Variants in HCN1 observed in about 807,000 individuals in gnomAD.
HCN1 encodes the protein hyperpolarization activated cyclic nucleotide gated potassium channel 1, also known as potassium/sodium hyperpolarization-activated cyclic nucleotide-gated channel 1.
HCN1 carries 13 observed loss-of-function variants against 78.9 expected under a neutral mutation model. The ratio of observed to expected loss-of-function variants is 0.16; its 90% CI spans 0.11 to 0.26. The LOEUF is 0.26. Ranked by LOEUF, HCN1 falls within the 10% of genes least tolerant of loss-of-function variation. The pLI is 1.00. For synonymous variants in HCN1, 552 were observed against 455.5 expected, an observed-to-expected ratio of 1.21 and a Z score of -2.70; for missense variants, 810 against 1,154.3, an observed-to-expected ratio of 0.70 and a Z score of 4.32.
chr5:45,467,579 T>C (rs975158097), intron 2 of HCN1, among the ~76,000 whole-genome samples: 1 of 152,098 alleles, frequency 6.6e-6, no homozygotes, highest in Admixed American at 6.6e-5. Flanking sequence ...GCAAACTGTG[T>C]AGCTTGTACT....
chr5:45,579,363 C>T lies in HCN1; in HGVS notation c.849+65822G>A, dbSNP rs1449779818. ...TCAAGTTCCAGATTGTAAACTGCCT[C>T]ATAAATTGAACCTCACCAACACAGC... On this transcript the variant is annotated intron_variant, in intron 2 of 7. Transcript: ENST00000303230. Among the ~76,000 whole-genome samples the T allele has an allele frequency of 8.5e-5, 13 of 152,092 alleles. No homozygotes were observed. The East Asian group carries it at 2.3e-3, about 27-fold the overall frequency.
chr5:45,550,586 G>C (rs1743345968), intron 2 of HCN1, among the ~76,000 whole-genome samples: 1 of 152,096 alleles, frequency 6.6e-6, no homozygotes, highest in African/African-American at 2.4e-5. Flanking sequence ...CATGGCACAT[G>C]TATACATATG....
intron 1 of HCN1, among the ~76,000 whole-genome samples, chr5:45,646,184 T>G (rs1745547607): frequency 6.6e-6 from 1 of 152,120 alleles, no homozygotes; most frequent in South Asian, 2.1e-4. Flanking sequence ...ATTTTATGCT[T>G]TATTTTTCTT....
intron 3 of HCN1, among the ~76,000 whole-genome samples, chr5:45,435,793 A>C (rs546057651): frequency 4.6e-5 from 7 of 152,158 alleles, no homozygotes; most frequent in Non-Finnish European, 8.8e-5. Flanking sequence ...AAATATACCA[A>C]AAAAAGATAC....
chr5:45,360,708 TAAGTCATATAATCATAAAAATAACATGAA>T (rs1192806437), intron 4 of HCN1, among the ~76,000 whole-genome samples: 3 of 152,114 alleles, frequency 2.0e-5, no homozygotes, highest in Non-Finnish European at 4.4e-5. Flanking sequence ...CTTTACATAG[TAAGTCATATAATCATAAAAATAACATGAA>T]ATCTTCCTGA....
chr5:45,433,133 G>C (rs1291017858), intron 3 of HCN1, among the ~76,000 whole-genome samples: 4 of 152,084 alleles, frequency 2.6e-5, no homozygotes, highest in Non-Finnish European at 5.9e-5. Context: ...TGAAATTTGA[G>C]TGGGGATATA....
chr5:45,546,453 A>C (rs1180105481), intron 2 of HCN1, among the ~76,000 whole-genome samples: 1 of 151,922 alleles, frequency 6.6e-6, no homozygotes, highest in African/African-American at 2.4e-5. Context: ...ACCATTTAGA[A>C]ATTCTACAAT....
intron 2 of HCN1, among the ~76,000 whole-genome samples, chr5:45,545,553 T>A (rs1011301296): frequency 6.6e-6 from 1 of 152,016 alleles, no homozygotes; most frequent in Admixed American, 6.6e-5. Context: ...ATTGCCTAGG[T>A]TTTCTTCTAG....
At chr5:45,652,782 C>T (rs1332991736) in intron 1 of HCN1, among the ~76,000 whole-genome samples, 1 of 151,798 alleles carries the variant, frequency 6.6e-6, no homozygotes, top group East Asian at 1.9e-4. Flanking sequence ...TTCATCCATC[C>T]ACTATGCATA....
chr5:45,310,030 C>A (rs1273888650), intron 5 of HCN1, among the ~76,000 whole-genome samples: 2 of 151,826 alleles, frequency 1.3e-5, no homozygotes, highest in Middle Eastern at 3.4e-3. Context: ...TTTATTACTG[C>A]CTCAAGACTA....
rs1010049547 is a variant in HCN1 at position 45,523,962 on chromosome 5, T to C, written c.850-61955A>G. On this transcript the variant is annotated intron_variant, in intron 2 of 7. Transcript: ENST00000303230. ...TGCCTATGTCCTGAATGGTATTGCC[T>C]AGGTTTTCTTCTAGGGTTTTTATGG... Among the ~76,000 whole-genome samples, 96 of 152,302 alleles carry C rather than the reference T, an allele frequency of 6.3e-4. 1 individual carries two copies. The highest frequency in any genetic ancestry group is 4.1e-4 in the African/African-American group (17 of 41,562).
chr5:45,632,114 T>C (rs1439878752), intron 2 of HCN1, among the ~76,000 whole-genome samples: 3 of 152,056 alleles, frequency 2.0e-5, no homozygotes, highest in Non-Finnish European at 2.9e-5. Context: ...AAATGAATGA[T>C]ATAGCAATTA....
At position 45,261,817 on chromosome 5, in the gene HCN1, T is replaced by G; in HGVS notation, c.*104A>C. On this transcript the variant is annotated 3_prime_UTR_variant, in exon 8 of 8. Coordinates refer to ENST00000303230, the MANE Select transcript of HCN1 (RefSeq NM_021072.4). ...GGCCACAGCTGTCTAAAATATCTCT[T>G]CATAGTAGGCTAGAGGGATCTATCA... The G allele has an allele frequency of 7.0e-7, 1 of 1,428,440 alleles. No individual in the cohort carries two copies. Among genetic ancestry groups the G allele is most frequent in the Non-Finnish European group, 9.8e-7 (1 of 1,020,022 alleles). The allele number at this position is 1,428,440 out of a possible 1,614,324, so 88.5% of individuals were successfully genotyped here.
chr5:45,319,630 TGG>T (rs1252098154), intron 5 of HCN1, among the ~76,000 whole-genome samples: 1 of 151,784 alleles, frequency 6.6e-6, no homozygotes, highest in African/African-American at 2.4e-5. Context: ...TCGCCATCTG[TGG>T]CTTGCCTTTT....
At chr5:45,627,553 T>C (rs955278177) in intron 2 of HCN1, among the ~76,000 whole-genome samples, 1 of 152,200 alleles carries the variant, frequency 6.6e-6, no homozygotes, top group African/African-American at 2.4e-5. Flanking sequence ...ACATTTCTGC[T>C]GTAACACAAC....
intron 6 of HCN1, among the ~76,000 whole-genome samples, chr5:45,300,742 C>G (rs1745596997): frequency 6.6e-6 from 1 of 152,072 alleles, no homozygotes. Flanking sequence ...TGTATACTTT[C>G]ATTTCTTATC....
chr5:45,682,272 C>CAT (rs548796805), intron 1 of HCN1, among the ~76,000 whole-genome samples: 2,093 of 109,740 alleles, frequency 0.019, 33 homozygotes, highest in African/African-American at 0.061. Flanking sequence ...TATATATATA[C>CAT]ATATATATAT....
Position 45,262,223 on chromosome 5 carries a change from G to A in HCN1, c.2371C>T (p.Pro791Ser), listed in dbSNP as rs752908921. The A allele has an allele frequency of 1.2e-6, 2 of 1,614,030 alleles. No homozygotes were observed. Among genetic ancestry groups the A allele is most frequent in the Non-Finnish European group, 1.7e-6 (2 of 1,180,036 alleles). Reference sequence around the variant, plus strand: ...GTGGACACCTCATGGGGCAGCGAGGGCTGCGAGGCGGAGAGTGGCCTGACT... The same window carrying A: ...GTGGACACCTCATGGGGCAGCGAGGACTGCGAGGCGGAGAGTGGCCTGACT... ...REVRPLSASQ[P>S]SLPHEVSTLI... is the part of the protein sequence containing the mutation. Residue 791 changes from proline to serine, a missense_variant, in exon 8 of 8, where the codon CCC becomes TCC. Physicochemically the swap from Pro to Ser is moderately conservative, Grantham distance 74. Around this residue, in one of 6 missense-constraint regions of HCN1, gnomAD observed 398 missense variants for 381.3 expected, o/e 1.04. Coordinates refer to ENST00000303230, the MANE Select transcript of HCN1 (RefSeq NM_021072.4).
chr5:45,368,360 CA>C (rs1432121220), intron 4 of HCN1, among the ~76,000 whole-genome samples: 4 of 151,916 alleles, frequency 2.6e-5, no homozygotes, highest in South Asian at 2.1e-4. Flanking sequence ...AAAATTATAG[CA>C]AAAACATAAT....
Sources: allele counts gnomAD v4.1 joint callset (sites outside exome capture counted in the v4.1 genomes callset), GRCh38; gene constraint gnomAD v4.1.1; regional missense constraint gnomAD v4.1.1; transcripts MANE v1.5; gene names NCBI Gene and HGNC (gene_info 2026-07-23, HGNC 2026-07-21).